The following PLXNA4 variants were observed in gnomAD, a reference collection of about 807,000 sequenced individuals.
PLXNA4 encodes the protein plexin-A4.
A neutral mutation model predicts 191.8 loss-of-function variants in PLXNA4; 44 were observed. That is an observed-to-expected ratio of 0.23 (90% CI 0.18 to 0.29). The LOEUF is 0.29. Ranked by LOEUF, PLXNA4 falls within the 10% of genes least tolerant of loss-of-function variation. The pLI, the probability that PLXNA4 is intolerant of heterozygous loss-of-function variation, is 1.00. For missense variants in PLXNA4, 1,800 were observed against 2,488.8 expected (o/e 0.72, Z 5.89); for synonymous variants, 1,082 against 1,009.5 (o/e 1.07, Z -1.36).
chr7:132,399,972 C>G, intron 3 of PLXNA4, among the ~76,000 whole-genome samples: 1 of 151,992 alleles, frequency 6.6e-6, no homozygotes, highest in Admixed American at 6.6e-5. Flanking sequence ...AGGAATGTGA[C>G]CTTTGTGATC....
chr7:132,130,952 C>T (rs891936409), intron 31 of PLXNA4, among the ~76,000 whole-genome samples: 11 of 152,130 alleles, frequency 7.2e-5, no homozygotes, highest in Middle Eastern at 3.2e-3. Context: ...GATGGAAATG[C>T]GTAGTGCTCA....
intron 3 of PLXNA4, among the ~76,000 whole-genome samples, chr7:132,459,200 G>T (rs1457616398): frequency 6.6e-6 from 1 of 152,156 alleles, no homozygotes; most frequent in Non-Finnish European, 1.5e-5. Context: ...CAGCTCTGAG[G>T]ATCAATTCCC....
At chr7:132,639,776 G>A (rs1803678953) in intron 2 of PLXNA4, among the ~76,000 whole-genome samples, 1 of 152,168 alleles carries the variant, frequency 6.6e-6, no homozygotes, top group East Asian at 1.9e-4. Flanking sequence ...AAATTTCCTG[G>A]CTTCTACACT....
At chr7:132,486,939 G>A (rs1000944147) in intron 3 of PLXNA4, among the ~76,000 whole-genome samples, 3 of 152,080 alleles carry the variant, frequency 2.0e-5, no homozygotes, top group Admixed American at 1.3e-4. Flanking sequence ...TGCTGCACTT[G>A]ACCTCCCTGT....
chr7:132,155,502 C>T (rs1305141324), intron 25 of PLXNA4, among the ~76,000 whole-genome samples: 4 of 152,228 alleles, frequency 2.6e-5, no homozygotes, highest in African/African-American at 9.6e-5. Context: ...GAGCTGGCCA[C>T]AGGGTAGGAT....
chr7:132,607,074 A>G (rs1021701689), intron 2 of PLXNA4, among the ~76,000 whole-genome samples: 1 of 152,236 alleles, frequency 6.6e-6, no homozygotes, highest in Non-Finnish European at 1.5e-5. Flanking sequence ...AATGTTCAAC[A>G]TTCAAACATC....
intron 1 of PLXNA4, among the ~76,000 whole-genome samples, chr7:132,530,168 T>C (rs1474436016): frequency 6.6e-6 from 1 of 152,184 alleles, no homozygotes; most frequent in Non-Finnish European, 1.5e-5. Flanking sequence ...CCAAGGGCCA[T>C]GAGGAAACTT....
chr7:132,549,169 A>G (rs1800442895), intron 1 of PLXNA4, among the ~76,000 whole-genome samples: 1 of 152,154 alleles, frequency 6.6e-6, no homozygotes, highest in African/African-American at 2.4e-5. Context: ...TGGAGTAGCC[A>G]TTTTTTTACT....
chr7:132,515,298 C>A (rs1207091698), intron 1 of PLXNA4, among the ~76,000 whole-genome samples: 2 of 152,166 alleles, frequency 1.3e-5, no homozygotes, highest in East Asian at 1.9e-4. Context: ...TACTGGGTCC[C>A]AGGCCTGGCG....
intron 3 of PLXNA4, among the ~76,000 whole-genome samples, chr7:132,448,950 T>G (rs1474394261): frequency 1.3e-5 from 2 of 152,236 alleles, no homozygotes; most frequent in East Asian, 3.8e-4. Flanking sequence ...TAACCATGGT[T>G]GTACCTGGTA....
intron 2 of PLXNA4, among the ~76,000 whole-genome samples, chr7:132,631,548 G>A (rs1363469827): frequency 6.6e-6 from 1 of 152,184 alleles, no homozygotes; most frequent in Non-Finnish European, 1.5e-5. Flanking sequence ...TGACTAGTGA[G>A]TGTCTGCTCT....
intron 2 of PLXNA4, among the ~76,000 whole-genome samples, chr7:132,591,885 G>T (rs998759903): frequency 6.6e-6 from 1 of 152,112 alleles, no homozygotes; most frequent in African/African-American, 2.4e-5. Flanking sequence ...GATTACAGGC[G>T]CTGCATCCTA....
intron 7 of PLXNA4, 27 bp downstream of exon 7, chr7:132,227,424 A>T (rs1798364981): frequency 2.5e-6 from 4 of 1,613,680 alleles, no homozygotes; most frequent in African/African-American, 1.3e-5. Context: ...AAGAAGTGCC[A>T]CTCAGCTGTG....
chr7:132,519,224 G>A (rs1585263536), intron 1 of PLXNA4, among the ~76,000 whole-genome samples: 1 of 152,218 alleles, frequency 6.6e-6, no homozygotes. Flanking sequence ...GTCAAGACCT[G>A]CTCTGCAAAA....
chr7:132,592,177 G>A (rs1802614680), intron 2 of PLXNA4, among the ~76,000 whole-genome samples: 1 of 152,146 alleles, frequency 6.6e-6, no homozygotes, highest in Non-Finnish European at 1.5e-5. Context: ...CCATTAGCAT[G>A]GACAAATGAG....
In PLXNA4 at chr7:132,164,341, C is replaced by T. The variant is rs919525363; in HGVS notation, c.4354-53G>A. On this transcript the variant is annotated intron_variant, in intron 23 of 31. Coordinates refer to ENST00000321063, the MANE Select transcript of PLXNA4 (RefSeq NM_020911.2). ...GGAGCTCTTGGAACACTGGAGTGTACCCCCAGTCCCTGCTTCTCCAAAGGG... is the reference window on the plus strand; with the variant it reads ...GGAGCTCTTGGAACACTGGAGTGTATCCCCAGTCCCTGCTTCTCCAAAGGG... 3.1e-6 allele frequency: 5 copies of T among 1,594,840 alleles called. No individual in the cohort carries two copies. The Admixed American group carries it at 6.8e-5, about 22-fold the overall frequency.
At chr7:132,299,143 C>T (rs1801214294) in intron 3 of PLXNA4, among the ~76,000 whole-genome samples, 1 of 152,222 alleles carries the variant, frequency 6.6e-6, no homozygotes, top group Admixed American at 6.5e-5. Context: ...ACACCACTCC[C>T]ATAAATCAGG....
chr7:132,627,490 T>A (rs553088318), intron 2 of PLXNA4, among the ~76,000 whole-genome samples: 7 of 152,358 alleles, frequency 4.6e-5, no homozygotes, highest in Admixed American at 1.3e-4. Context: ...CTTATTTGCT[T>A]AGTTTTTATG....
At chr7:132,266,018 G>A (rs372078383) in intron 4 of PLXNA4, among the ~76,000 whole-genome samples, 1 of 152,200 alleles carries the variant, frequency 6.6e-6, no homozygotes, top group Non-Finnish European at 1.5e-5. Flanking sequence ...AGTTGACTCA[G>A]TATCAATGTG....
Sources: allele counts gnomAD v4.1 joint callset (sites outside exome capture counted in the v4.1 genomes callset), GRCh38; gene constraint gnomAD v4.1.1; transcripts MANE v1.5; gene names NCBI Gene and HGNC (gene_info 2026-07-23, HGNC 2026-07-21).